Variants in PTPRS observed in about 807,000 individuals in gnomAD.
PTPRS encodes the protein receptor-type tyrosine-protein phosphatase S.
Under a neutral mutation model 215.3 loss-of-function variants are expected in PTPRS, and 63 were observed. That is an observed-to-expected ratio of 0.29 (90% CI 0.24 to 0.36). The LOEUF is 0.36. Ranked by LOEUF, PTPRS falls within the 10% of genes least tolerant of loss-of-function variation. The pLI, the probability that PTPRS is intolerant of heterozygous loss-of-function variation, is 1.00. For synonymous variants in PTPRS, 1,404 were observed against 1,191.4 expected (o/e 1.18, Z -3.68); for missense variants, 2,258 against 2,825.8 (o/e 0.80, Z 4.56).
rs988007338 is a variant in PTPRS at position 5,257,756 on chromosome 19, C to G, written c.706+261G>C. Among the ~76,000 whole-genome samples the G allele has an allele frequency of 6.6e-6, 1 of 152,234 alleles. No individual in the cohort carries two copies. The highest frequency in any genetic ancestry group is 1.5e-5 in the Non-Finnish European group (1 of 68,042). ...CCCACGCCTTCCTACCCCACCATCA[C>G]TGCCTCCCCAGAGCCTGCTGCCCAC... is the stretch of plus-strand genomic sequence containing the variant. On this transcript the variant is annotated intron_variant, in intron 8 of 37. Transcript: ENST00000262963. This position sits in a 1 kb window ranked among gnomAD's most constrained non-coding sequence, Gnocchi z 4.4.
Position 5,215,547 on chromosome 19 carries a change from G to A in PTPRS, c.4145C>T (p.Thr1382Met), listed in dbSNP as rs558948003. The A allele has an allele frequency of 6.2e-6, 10 of 1,611,896 alleles. No individual in the cohort carries two copies. The highest frequency in any genetic ancestry group is 1.7e-4 in the Middle Eastern group (1 of 6,008). The change falls in exon 27 of 38, where the codon ACG (threonine) becomes ATG (methionine). Residue 1382 changes from threonine to methionine, a missense_variant. Physicochemically the swap from Thr to Met is moderately conservative, Grantham distance 81 (BLOSUM62 -1). This residue lies in a region of PTPRS where 927 missense variants were observed against 1,125.9 expected (regional missense o/e 0.82). Transcript: ENST00000262963. Reference protein sequence around the residue: ...PIPIADMAEHTERLKANDSLK... With the variant: ...PIPIADMAEHMERLKANDSLK... Reference sequence around the variant, plus strand: ...GCTGTCGTTGGCCTTGAGCCGCTCCGTGTGCTCCGCCATGTCTGCGATGGG... The same window carrying A: ...GCTGTCGTTGGCCTTGAGCCGCTCCATGTGCTCCGCCATGTCTGCGATGGG...
chr19:5,211,208 T>A (rs2040845554), intron 33 of PTPRS, among the ~76,000 whole-genome samples: 1 of 152,192 alleles, frequency 6.6e-6, no homozygotes, highest in African/African-American at 2.4e-5. Flanking sequence ...TCAGTGCTAT[T>A]GACATTTGGC....
intron 30 of PTPRS, among the ~76,000 whole-genome samples, chr19:5,213,650 T>G (rs1000525820): frequency 7.3e-5 from 4 of 54,540 alleles, no homozygotes; most frequent in Non-Finnish European, 2.0e-4. Flanking sequence ...ATATGCTTAA[T>G]GTATAACATA....
chr19:5,226,090 C>T (rs1338081558), intron 16 of PTPRS, among the ~76,000 whole-genome samples: 1 of 152,188 alleles, frequency 6.6e-6, no homozygotes, highest in Non-Finnish European at 1.5e-5. Context: ...TGCTCCGCTC[C>T]CCTCACTCCT....
At chr19:5,267,907 C>T (rs914817438) in intron 4 of PTPRS, among the ~76,000 whole-genome samples, 18 of 152,072 alleles carry the variant, frequency 1.2e-4, no homozygotes, top group East Asian at 7.7e-4. Context: ...CAGTGGGTCA[C>T]GCCTATAATC....
At chr19:5,250,467 A>C (rs2044901399) in intron 9 of PTPRS, among the ~76,000 whole-genome samples, 1 of 152,144 alleles carries the variant, frequency 6.6e-6, no homozygotes, top group African/African-American at 2.4e-5. Flanking sequence ...CGGGACGGAG[A>C]GGCCCCGCGG....
At chr19:5,331,632 C>T (rs190304309) in intron 1 of PTPRS, among the ~76,000 whole-genome samples, 16 of 151,972 alleles carry the variant, frequency 1.1e-4, no homozygotes, top group East Asian at 1.9e-4. Context: ...AAAGTGACCC[C>T]GGCTGAGAAC....
chr19:5,273,623 G>A, intron 3 of PTPRS, 40 bp from the exon 4 acceptor site: 1 of 1,612,236 alleles, frequency 6.2e-7, no homozygotes, highest in Non-Finnish European at 8.5e-7. Flanking sequence ...GTGAGGCTGG[G>A]GTCCCAGGAA....
intron 1 of PTPRS, among the ~76,000 whole-genome samples, chr19:5,307,368 G>A (rs1200530180): frequency 7.2e-5 from 11 of 152,036 alleles, no homozygotes; most frequent in Admixed American, 5.2e-4. Flanking sequence ...AGTACAAGAG[G>A]TCAAATAATG....
chr19:5,319,326 A>G (rs148642163), intron 1 of PTPRS, among the ~76,000 whole-genome samples: 3,170 of 151,964 alleles, frequency 0.021, 106 homozygotes, highest in African/African-American at 0.072. Flanking sequence ...TAGAAGGATC[A>G]CTTGAGCCCA....
Position 5,231,522 on chromosome 19 carries a change from T to A in PTPRS, c.1943A>T (p.Asn648Ile). ...GACGCTGTAGCCCACCAGGGCCCCG[T>A]TGTGCGTTTCCGGCGGCGGCGGGCG... ...SWRPPPPETH[N>I]GALVGYSVRY... The change falls in exon 14 of 38, where the codon AAC (asparagine) becomes ATC (isoleucine). Residue 648 changes from asparagine (N) to isoleucine (I), a missense_variant. By Grantham distance (149) the Asn-to-Ile change is moderately radical (BLOSUM62 -3). Coordinates refer to ENST00000262963, the MANE Select transcript of PTPRS (RefSeq NM_002850.4). The A allele has an allele frequency of 6.2e-7, 1 of 1,611,322 alleles. No homozygotes were observed. Among genetic ancestry groups the A allele is most frequent in the South Asian group, 1.1e-5 (1 of 91,006 alleles).
intron 13 of PTPRS, among the ~76,000 whole-genome samples, chr19:5,235,337 T>C (rs1020544242): frequency 6.6e-6 from 1 of 152,124 alleles, no homozygotes; most frequent in African/African-American, 2.4e-5. Flanking sequence ...GTGCCAGGCA[T>C]TGCACTCAAT....
At chr19:5,245,137 G>A (rs544126969) in intron 10 of PTPRS, among the ~76,000 whole-genome samples, 3 of 147,808 alleles carry the variant, frequency 2.0e-5, no homozygotes, top group South Asian at 2.1e-4. Flanking sequence ...GCGCCACCAC[G>A]CCCAGCTAAT....
rs947119448 is a variant in PTPRS at position 5,206,354 on chromosome 19, C to A, written c.*420G>T. The A allele has an allele frequency of 4.3e-6, 1 of 235,230 alleles. No homozygotes were observed. Among genetic ancestry groups the A allele is most frequent in the Non-Finnish European group, 8.3e-6 (1 of 119,780 alleles). The allele number at this position is 235,230 out of a possible 1,614,324, so 14.6% of individuals were successfully genotyped here. ...AAAGAAAGCTGGATTCTGGTCCCAG[C>A]CCAGTGTCCCCAGGCTGCAGAGCGG... On this transcript the variant is annotated 3_prime_UTR_variant, in exon 38 of 38. Coordinates refer to ENST00000262963, the MANE Select transcript of PTPRS (RefSeq NM_002850.4).
intron 9 of PTPRS, among the ~76,000 whole-genome samples, chr19:5,246,994 C>T (rs1305507028): frequency 2.0e-5 from 3 of 150,778 alleles, no homozygotes; most frequent in African/African-American, 4.9e-5. Context: ...TGCACACTTA[C>T]GTGACACCAG....
intron 13 of PTPRS, among the ~76,000 whole-genome samples, chr19:5,235,668 A>T (rs1329097340): frequency 6.6e-6 from 1 of 152,204 alleles, no homozygotes; most frequent in Non-Finnish European, 1.5e-5. Flanking sequence ...TAAGCTTGTT[A>T]TAAACTGCTA....
At chr19:5,288,254 T>C (rs1486508272) in intron 1 of PTPRS, among the ~76,000 whole-genome samples, 1 of 152,040 alleles carries the variant, frequency 6.6e-6, no homozygotes, top group African/African-American at 2.4e-5. Context: ...AGACTATAGA[T>C]AGGCCAGTCA....
intron 1 of PTPRS, among the ~76,000 whole-genome samples, chr19:5,305,382 C>CA (rs1191863934): frequency 4.0e-5 from 6 of 151,398 alleles, no homozygotes; most frequent in East Asian, 2.0e-4. Flanking sequence ...CCTGTCTCTA[C>CA]AAAAAAATAC....
intron 9 of PTPRS, chr19:5,250,947 C>G (rs1043084212): frequency 4.6e-5 from 2 of 43,444 alleles, no homozygotes; most frequent in Non-Finnish European, 4.0e-5. Context: ...GCGGGGGCGG[C>G]GGGGGGGGGG....
Sources: gnomAD v4.1 joint callset for allele counts (sites outside exome capture counted in the v4.1 genomes callset) on GRCh38, gnomAD v4.1.1 for gene constraint, gnomAD v4.1.1 regional missense constraint, Gnocchi (gnomAD v3.1) non-coding constraint, MANE v1.5 for transcripts, NCBI Gene and HGNC (gene_info 2026-07-23, HGNC 2026-07-21) for gene names.